The following HYOU1 variants were observed in gnomAD, a reference collection of about 807,000 sequenced individuals.
HYOU1 encodes the protein hypoxia up-regulated protein 1.
Under a neutral mutation model 120.5 loss-of-function variants are expected in HYOU1, and 40 were observed. That is an observed-to-expected ratio of 0.33 (90% CI 0.26 to 0.43). The LOEUF (loss-of-function observed/expected upper bound fraction) is 0.43, where lower values mean the gene tolerates loss of function less well. Among genes scored for constraint, HYOU1 ranks in the 20% least tolerant of loss-of-function variants. The probability of loss-of-function intolerance (pLI) is 1.00; values close to 1 mark genes in which losing one functional copy is unlikely to be tolerated. For synonymous variants in HYOU1, 501 were observed against 479.4 expected (o/e 1.05, Z -0.59); for missense variants, 1,085 against 1,278.3 (o/e 0.85, Z 2.31).
chr11:119,051,247 T>A lies in HYOU1; in HGVS notation c.1527-74A>T. On this transcript the variant is annotated intron_variant, in intron 13 of 25. Coordinates refer to ENST00000617285, the MANE Select transcript of HYOU1 (RefSeq NM_006389.5). This position sits in a 1 kb window ranked among gnomAD's most constrained non-coding sequence, Gnocchi z 4.2. ...TCGCCCTCTAGACTACATGGCCTCC[T>A]GGCACAAGGTGTCAGGGGCACTCCC... 1 of 1,586,804 alleles carries A rather than the reference T, an allele frequency of 6.3e-7. No homozygotes were observed. Among genetic ancestry groups the A allele is most frequent in the Non-Finnish European group, 8.6e-7 (1 of 1,162,176 alleles).
intron 1 of HYOU1, chr11:119,056,733 G>A (rs1944795709): frequency 8.0e-6 from 2 of 249,852 alleles, no homozygotes; most frequent in African/African-American, 2.3e-5. Context: ...TGTGCCCACA[G>A]ACGCAGTGCC....
Position 119,049,100 on chromosome 11 carries a change from G to C in HYOU1, c.1910C>G (p.Pro637Arg). ...TGCATCTCCCTTAGGTTCAGGGGGT[G>C]GGGGCTGAGAGCCATCCTCCACTGG... ...EAPVEDGSQP[P>R]PPEPKGDATP... The change falls in exon 17 of 26, where the codon CCA becomes CGA. Residue 637 changes from proline to arginine, a missense_variant. By Grantham distance (103) the Pro-to-Arg change is moderately radical. Coordinates refer to ENST00000617285, the MANE Select transcript of HYOU1 (RefSeq NM_006389.5). The C allele has an allele frequency of 6.2e-7, 1 of 1,614,066 alleles. No homozygotes were observed. The highest frequency in any genetic ancestry group is 8.5e-7 in the Non-Finnish European group (1 of 1,179,996).
chr11:119,046,566 T>C lies in HYOU1; in HGVS notation c.2832A>G (p.Pro944=), dbSNP rs2133550949. Residue 944 remains proline (P), a synonymous_variant, in exon 23 of 26, where the codon CCA becomes CCG. Coordinates refer to ENST00000617285, the MANE Select transcript of HYOU1 (RefSeq NM_006389.5). The part of the protein sequence containing the change: ...ASDQGEKVIP[P]AGQTEDAEPI... Reference sequence around the variant, plus strand: ...AGCCAGGTACCCTGTTCTCACCTGCTGGAGGGATGACCTTCTCCCCCTGGT... The same window carrying C: ...AGCCAGGTACCCTGTTCTCACCTGCCGGAGGGATGACCTTCTCCCCCTGGT... 1 of 1,613,846 alleles carries C rather than the reference T, an allele frequency of 6.2e-7. No homozygotes were observed. The highest frequency in any genetic ancestry group is 8.5e-7 in the Non-Finnish European group (1 of 1,179,780).
intron 24 of HYOU1, 132 bp downstream of exon 24, chr11:119,046,285 T>C: frequency 1.4e-6 from 1 of 733,304 alleles, no homozygotes; most frequent in Non-Finnish European, 2.2e-6. Context: ...TTTTTTTTTT[T>C]TAAACAACCC....
chr11:119,050,596 G>C (rs1004041491), intron 14 of HYOU1, among the ~76,000 whole-genome samples: 1 of 150,936 alleles, frequency 6.6e-6, no homozygotes, highest in African/African-American at 2.4e-5. Flanking sequence ...TGGCACATAC[G>C]TATCGTCCCA....
chr11:119,049,892 A>T, intron 14 of HYOU1, 55 bp from the exon 15 acceptor site: 1 of 1,511,458 alleles, frequency 6.6e-7, no homozygotes, highest in Non-Finnish European at 9.2e-7. Context: ...TTTTCTCCAC[A>T]AACATCTGCC....
intron 14 of HYOU1, 24 bp from the exon 15 acceptor site, chr11:119,049,861 A>G (rs1204813643): frequency 6.2e-7 from 1 of 1,607,080 alleles, no homozygotes; most frequent in South Asian, 1.1e-5. Context: ...CAAAATGAAA[A>G]AATACACAGG....
Position 119,055,209 on chromosome 11 carries a change from T to G in HYOU1, c.395A>C (p.Gln132Pro), listed in dbSNP as rs782485043. ...CGAGCTGATCTGAAAGTGCACAGTCTGCCTCTGTGGGTCGAAAGTCAGCTC... is the reference window on the plus strand; with the variant it reads ...CGAGCTGATCTGAAAGTGCACAGTCGGCCTCTGTGGGTCGAAAGTCAGCTC... ...EHELTFDPQR[Q>P]TVHFQISSQL... The change falls in exon 5 of 26, where the codon CAG becomes CCG. Residue 132 changes from glutamine to proline, a missense_variant. This residue lies in a region of HYOU1 where 515 missense variants were observed against 677.8 expected (regional missense o/e 0.76). Transcript: ENST00000617285. This position sits in a 1 kb window ranked among gnomAD's most constrained non-coding sequence, Gnocchi z 4.0. The G allele has an allele frequency of 1.2e-6, 2 of 1,614,022 alleles. No individual in the cohort carries two copies. Among genetic ancestry groups the G allele is most frequent in the Admixed American group, 1.7e-5 (1 of 59,986 alleles).
In HYOU1 at chr11:119,055,126, C is replaced by T. The variant is rs1183699684; in HGVS notation, c.419+59G>A. ...CATTAAGGCAGGACAATCAGGAACA[C>T]ACACCAATGAGGAGCCCAGCAGCGT... is the stretch of plus-strand genomic sequence containing the variant. On this transcript the variant is annotated intron_variant, in intron 5 of 25. Transcript: ENST00000617285. This position sits in a 1 kb window ranked among gnomAD's most constrained non-coding sequence, Gnocchi z 4.0. The T allele has an allele frequency of 3.1e-6, 5 of 1,613,110 alleles. No individual in the cohort carries two copies. In the African/African-American group the frequency reaches 4.0e-5, roughly 13 times the overall value.
At position 119,055,388 on chromosome 11, in the gene HYOU1, A is replaced by G. The variant is rs2133613161; in HGVS notation, c.265-49T>C. On this transcript the variant is annotated intron_variant, in intron 4 of 25. Coordinates refer to ENST00000617285, the MANE Select transcript of HYOU1 (RefSeq NM_006389.5). This position sits in a 1 kb window ranked among gnomAD's most constrained non-coding sequence, Gnocchi z 4.0. ...CTAGTATTAGGCTCCCAAGTCCACC[A>G]TTACCTACCTCTTACATCACAGAGA... The G allele has an allele frequency of 4.4e-6, 7 of 1,608,392 alleles. No homozygotes were observed. The highest frequency in any genetic ancestry group is 6.0e-6 in the Non-Finnish European group (7 of 1,175,696).
At chr11:119,056,747 G>T (rs946726136) in intron 1 of HYOU1, 1 of 228,934 alleles carries the variant, frequency 4.4e-6, no homozygotes, top group African/African-American at 2.3e-5. Flanking sequence ...CAGTGCCAGG[G>T]GCGGTAAGGT....
At chr11:119,056,769 C>G (rs902540358) in intron 1 of HYOU1, 1 of 217,228 alleles carries the variant, frequency 4.6e-6, no homozygotes, top group Non-Finnish European at 9.4e-6. Context: ...CCCCGCCCGG[C>G]GGGTAGCCGT....
chr11:119,054,093 C>G (rs2133602614), intron 8 of HYOU1, 28 bp downstream of exon 8: 1 of 1,440,340 alleles, frequency 6.9e-7, no homozygotes, highest in Non-Finnish European at 9.8e-7. Context: ...TCTTCACAAG[C>G]AGCCCTCCCT....
intron 1 of HYOU1, chr11:119,056,390 C>T: frequency 4.7e-6 from 3 of 635,794 alleles, no homozygotes; most frequent in South Asian, 1.5e-5. Flanking sequence ...CATGGGTCCT[C>T]GGCTTTGCCA....
At chr11:119,053,876 C>T (rs2133601534) in intron 8 of HYOU1, 20,517 of 418,812 alleles carry the variant, frequency 0.049, 1,413 homozygotes, top group East Asian at 0.27. Context: ...ATATTGCCTG[C>T]GGCTCCATGG....
chr11:119,049,095 G>A lies in HYOU1; in HGVS notation c.1915C>T (p.Pro639Ser), dbSNP rs1387883679. 1.2e-6 allele frequency: 2 copies of A among 1,613,970 alleles called. No homozygotes were observed. Among genetic ancestry groups the A allele is most frequent in the African/African-American group, 2.7e-5 (2 of 74,912 alleles). The change falls in exon 17 of 26, where the codon CCT becomes TCT. Residue 639 changes from proline (P) to serine (S), a missense_variant. Transcript: ENST00000617285. The stretch of plus-strand genomic sequence containing the variant: ...GGGGTTGCATCTCCCTTAGGTTCAG[G>A]GGGTGGGGGCTGAGAGCCATCCTCC... ...PVEDGSQPPP[P>S]EPKGDATPEG...
chr11:119,046,329 C>A (rs2133549202), intron 24 of HYOU1, 88 bp downstream of exon 24: 1 of 1,017,796 alleles, frequency 9.8e-7, no homozygotes, highest in South Asian at 1.3e-5. Context: ...AGCTCATGGG[C>A]TGTCTAGAAA....
chr11:119,047,988 A>G lies in HYOU1; in HGVS notation c.2469T>C (p.Ser823=), dbSNP rs2133560098. 1.2e-6 allele frequency: 2 copies of G among 1,614,236 alleles called. No individual in the cohort carries two copies. The highest frequency in any genetic ancestry group is 1.7e-6 in the Non-Finnish European group (2 of 1,180,046). ...AATGGTTGAGGAGATTATCGAGGGC[A>G]GACAGCCGTTCGGGCCACTTCTTGC... ...EERKKWPERL[S]ALDNLLNHSS... Residue 823 remains serine, a synonymous_variant, in exon 21 of 26, where the codon TCT becomes TCC. Transcript: ENST00000617285.
chr11:119,056,322 G>A (rs1263924106), intron 1 of HYOU1, 155 bp from the exon 2 acceptor site: 3 of 696,530 alleles, frequency 4.3e-6, no homozygotes, highest in Non-Finnish European at 5.2e-6. Context: ...CTCCTGATGG[G>A]TACAAACCAT....
Sources: allele counts gnomAD v4.1 joint callset (sites outside exome capture counted in the v4.1 genomes callset), GRCh38; gene constraint gnomAD v4.1.1; regional missense constraint gnomAD v4.1.1; non-coding constraint Gnocchi (gnomAD v3.1); transcripts MANE v1.5; gene names NCBI Gene and HGNC (gene_info 2026-07-23, HGNC 2026-07-21).